Variants in CADPS2 observed in about 807,000 individuals in gnomAD.
The protein encoded by CADPS2 is calcium dependent secretion activator 2, also known as calcium-dependent secretion activator 2.
In CADPS2, 93 loss-of-function variants were observed where a neutral mutation model predicts 172.5. The observed-to-expected ratio is 0.54, with a 90% CI of 0.46 to 0.64. The LOEUF is 0.64. Ranked by LOEUF, CADPS2 falls within the 30% of genes least tolerant of loss-of-function variation. The pLI, the probability that CADPS2 is intolerant of heterozygous loss-of-function variation, is 0.00. For synonymous variants in CADPS2, 546 were observed against 555.2 expected, an observed-to-expected ratio of 0.98 and a Z score of 0.23; for missense variants, 1,420 against 1,565.9, an observed-to-expected ratio of 0.91 and a Z score of 1.57.
chr7:122,388,758 T>C lies in CADPS2; in HGVS notation c.3009-20A>G. On this transcript the variant is annotated intron_variant, in intron 22 of 29. Coordinates refer to ENST00000449022, the MANE Select transcript of CADPS2 (RefSeq NM_017954.11). ...CCATTGCTAGAAGAAAAAGGAAAAA[T>C]GAACATCATGAACTCCCCGTTAATT... The C allele has an allele frequency of 6.3e-7, 1 of 1,578,454 alleles. No individual in the cohort carries two copies. Among genetic ancestry groups the C allele is most frequent in the South Asian group, 1.1e-5 (1 of 87,224 alleles).
intron 3 of CADPS2, among the ~76,000 whole-genome samples, chr7:122,657,748 T>A (rs1008453691): frequency 6.6e-6 from 1 of 152,214 alleles, no homozygotes; most frequent in Non-Finnish European, 1.5e-5. Flanking sequence ...AATCATGTCA[T>A]CTGCAAACAG....
At chr7:122,797,049 A>G (rs1296036454) in intron 1 of CADPS2, among the ~76,000 whole-genome samples, 1 of 152,172 alleles carries the variant, frequency 6.6e-6, no homozygotes, top group East Asian at 1.9e-4. Context: ...AACGACATAA[A>G]TAGACACTTT....
intron 7 of CADPS2, among the ~76,000 whole-genome samples, chr7:122,561,267 C>T (rs1011931607): frequency 2.0e-5 from 3 of 152,078 alleles, no homozygotes; most frequent in African/African-American, 7.2e-5. Context: ...AAACTCCCAA[C>T]CTTTTACCAA....
intron 7 of CADPS2, among the ~76,000 whole-genome samples, chr7:122,564,111 C>T (rs950857793): frequency 6.6e-6 from 1 of 152,066 alleles, no homozygotes; most frequent in Non-Finnish European, 1.5e-5. Flanking sequence ...TCAACCTGTA[C>T]CACCTTAAAC....
At chr7:122,556,157 C>T (rs948034637) in intron 7 of CADPS2, among the ~76,000 whole-genome samples, 2 of 152,012 alleles carry the variant, frequency 1.3e-5, no homozygotes, top group African/African-American at 4.8e-5. Context: ...CTCTAGAATT[C>T]ATTTTGACTG....
chr7:122,802,039 T>C (rs563119009), intron 1 of CADPS2, among the ~76,000 whole-genome samples: 1 of 152,316 alleles, frequency 6.6e-6, no homozygotes, highest in East Asian at 1.9e-4. Flanking sequence ...ACAGCATGTA[T>C]AAAATCTATT....
chr7:122,589,197 T>C (rs1264200823), intron 6 of CADPS2, among the ~76,000 whole-genome samples: 2 of 151,984 alleles, frequency 1.3e-5, no homozygotes, highest in African/African-American at 2.4e-5. Flanking sequence ...ATGTGTAAAA[T>C]GTACCAAGTA....
rs113076802 is a variant in CADPS2 at position 122,550,499 on chromosome 7, T to A, written c.1475+4051A>T. On this transcript the variant is annotated intron_variant, in intron 8 of 29. Transcript: ENST00000449022. Reference sequence around the variant, plus strand: ...CAGTTGCATGCAGACTTCTCATAGATCATGGTCATAATGCTTCCACATATT... The same window carrying A: ...CAGTTGCATGCAGACTTCTCATAGAACATGGTCATAATGCTTCCACATATT... Among the ~76,000 whole-genome samples, 574 of 152,322 alleles carry A rather than the reference T, an allele frequency of 3.8e-3. 4 individuals are homozygous for A. Among genetic ancestry groups the A allele is most frequent in the Non-Finnish European group, 4.4e-3 (301 of 68,022 alleles).
intron 1 of CADPS2, among the ~76,000 whole-genome samples, chr7:122,750,897 G>C (rs1197803892): frequency 6.6e-6 from 1 of 152,138 alleles, no homozygotes; most frequent in Non-Finnish European, 1.5e-5. Flanking sequence ...GTAATTATGA[G>C]TTAAGAAATC....
chr7:122,395,747 A>C (rs1412262545), intron 20 of CADPS2, among the ~76,000 whole-genome samples: 2 of 152,016 alleles, frequency 1.3e-5, no homozygotes, highest in Non-Finnish European at 2.9e-5. Flanking sequence ...CACTATGTGA[A>C]GTCCTATATG....
Position 122,745,595 on chromosome 7 carries a change from G to C in CADPS2, c.340-8527C>G, listed in dbSNP as rs904716026. On this transcript the variant is annotated intron_variant, in intron 1 of 29. Coordinates refer to ENST00000449022, the MANE Select transcript of CADPS2 (RefSeq NM_017954.11). ...AAAAGTGGCTTTAGGATAAGAACTT[G>C]GTTTTAGCCTAAAACCAAGTTCTTA... is the stretch of plus-strand genomic sequence containing the variant. Among the ~76,000 whole-genome samples the C allele has an allele frequency of 2.0e-5, 3 of 146,738 alleles. No individual in the cohort carries two copies. The East Asian group carries it at 6.5e-4, about 32-fold the overall frequency.
At chr7:122,750,990 A>G (rs528534324) in intron 1 of CADPS2, among the ~76,000 whole-genome samples, 38 of 152,150 alleles carry the variant, frequency 2.5e-4, no homozygotes, top group Non-Finnish European at 4.4e-4. Flanking sequence ...TTTTGGACCA[A>G]CATAAAAACG....
intron 15 of CADPS2, among the ~76,000 whole-genome samples, chr7:122,451,156 T>G (rs533100834): frequency 6.6e-6 from 1 of 151,830 alleles, no homozygotes; most frequent in South Asian, 2.1e-4. Flanking sequence ...GGAACGGATA[T>G]TGTAGGGGGA....
intron 17 of CADPS2, among the ~76,000 whole-genome samples, chr7:122,432,378 G>A (rs1261535498): frequency 6.6e-6 from 1 of 152,132 alleles, no homozygotes; most frequent in Non-Finnish European, 1.5e-5. Flanking sequence ...TGTGGCTCAT[G>A]CTTGTAATCC....
At chr7:122,758,194 C>A (rs1023517218) in intron 1 of CADPS2, among the ~76,000 whole-genome samples, 18 of 152,224 alleles carry the variant, frequency 1.2e-4, no homozygotes, top group African/African-American at 3.4e-4. Flanking sequence ...ATTATAAGTT[C>A]TTTTTGCTGA....
At chr7:122,843,552 A>C (rs552768647) in intron 1 of CADPS2, among the ~76,000 whole-genome samples, 13 of 152,324 alleles carry the variant, frequency 8.5e-5, no homozygotes, top group African/African-American at 2.9e-4. Flanking sequence ...CAGCACAGCA[A>C]ACAATGCATG....
chr7:122,716,776 G>C (rs1284649236), intron 2 of CADPS2, among the ~76,000 whole-genome samples: 1 of 152,120 alleles, frequency 6.6e-6, no homozygotes, highest in Admixed American at 6.6e-5. Flanking sequence ...GTAAAAGGTA[G>C]AGTGCGACCA....
chr7:122,705,981 A>AATATAAAATATAATATAATATAATAT (rs1450514297), intron 2 of CADPS2, among the ~76,000 whole-genome samples: 1 of 60,960 alleles, frequency 1.6e-5, no homozygotes, highest in African/African-American at 7.6e-5. Context: ...TATAATATAT[A>AATATAAAATATAATATAATATAATAT]ATATTATATA....
At chr7:122,796,120 A>G (rs2139808400) in intron 1 of CADPS2, among the ~76,000 whole-genome samples, 1 of 152,312 alleles carries the variant, frequency 6.6e-6, no homozygotes, top group South Asian at 2.1e-4. Flanking sequence ...AATTGCCACA[A>G]AAAGAACAAA....
Sources: allele counts gnomAD v4.1 joint callset (sites outside exome capture counted in the v4.1 genomes callset), GRCh38; gene constraint gnomAD v4.1.1; transcripts MANE v1.5; gene names NCBI Gene and HGNC (gene_info 2026-07-23, HGNC 2026-07-21).